The following RNF144A variants were observed in gnomAD, a reference collection of about 807,000 sequenced individuals.
RNF144A encodes the protein E3 ubiquitin-protein ligase RNF144A.
A neutral mutation model predicts 38.7 loss-of-function variants in RNF144A; 11 were observed. The observed-to-expected ratio is 0.28, with a 90% CI of 0.18 to 0.47. The LOEUF is 0.47. Ranked by LOEUF, RNF144A falls within the 20% of genes least tolerant of loss-of-function variation. The probability of loss-of-function intolerance (pLI) is 0.99; values close to 1 mark genes in which losing one functional copy is unlikely to be tolerated. For synonymous variants in RNF144A, 149 were observed against 143.9 expected, an observed-to-expected ratio of 1.04 and a Z score of -0.25; for missense variants, 316 against 377.2, an observed-to-expected ratio of 0.84 and a Z score of 1.34.
At chr2:7,024,079 G>A (rs447627) in intron 6 of RNF144A, among the ~76,000 whole-genome samples, 2 of 151,840 alleles carry the variant, frequency 1.3e-5, no homozygotes, top group African/African-American at 4.8e-5. Context: ...GCCTTTCGCT[G>A]TATTTTCTTT....
intron 1 of RNF144A, among the ~76,000 whole-genome samples, chr2:6,932,150 A>G (rs1430395677): frequency 6.6e-6 from 1 of 151,978 alleles, no homozygotes; most frequent in Non-Finnish European, 1.5e-5. Flanking sequence ...TGATCTCTTT[A>G]TTATTTTGTG....
intron 8 of RNF144A, among the ~76,000 whole-genome samples, chr2:7,038,626 G>C (rs1672833222): frequency 6.6e-6 from 1 of 152,056 alleles, no homozygotes; most frequent in African/African-American, 2.4e-5. Flanking sequence ...AGGAAGAGGT[G>C]GAAAAGAAGA....
intron 3 of RNF144A, among the ~76,000 whole-genome samples, chr2:7,002,644 C>T (rs975418618): frequency 6.6e-6 from 1 of 152,154 alleles, no homozygotes; most frequent in Non-Finnish European, 1.5e-5. Flanking sequence ...CCATGTTTTG[C>T]TAATGATAGA....
At chr2:6,991,477 A>C (rs957262508) in intron 2 of RNF144A, among the ~76,000 whole-genome samples, 1 of 152,178 alleles carries the variant, frequency 6.6e-6, no homozygotes, top group Admixed American at 6.5e-5. Context: ...GGTTTGTCTT[A>C]TATCTCTACA....
At position 6,978,307 on chromosome 2, in the gene RNF144A, A is replaced by T. The variant is rs114556021; in HGVS notation, c.-11-18609A>T. On this transcript the variant is annotated intron_variant, in intron 2 of 8. Coordinates refer to ENST00000320892, the MANE Select transcript of RNF144A (RefSeq NM_014746.6). ...ATTCTATATTAATGATGCTCAAGTG[A>T]CCAAGGACTTGTACTCTCTTAACAG... Among the ~76,000 whole-genome samples the T allele has an allele frequency of 9.3e-3, 1,414 of 152,244 alleles. 11 individuals are homozygous for T. Among genetic ancestry groups the T allele is most frequent in the Middle Eastern group, 0.017 (5 of 294 alleles).
chr2:7,074,247 C>A, the RNF144A span, among the ~76,000 whole-genome samples: 1 of 152,136 alleles, frequency 6.6e-6, no homozygotes, highest in South Asian at 2.1e-4. Context: ...ATAACACTTA[C>A]CACCAGGGCA....
At chr2:7,069,251 G>A (rs999416621), downstream of RNF144A, among the ~76,000 whole-genome samples, 8 of 152,316 alleles carry the variant, frequency 5.3e-5, no homozygotes, top group East Asian at 5.8e-4. Flanking sequence ...CAGGAGGACC[G>A]TGCCACAGCC....
At chr2:6,957,504 A>T (rs1293175368) in intron 2 of RNF144A, among the ~76,000 whole-genome samples, 1 of 152,226 alleles carries the variant, frequency 6.6e-6, no homozygotes, top group Non-Finnish European at 1.5e-5. Context: ...CCTGATGCCC[A>T]CCTTGGCGTT....
chr2:7,009,035 C>T (rs181059464), intron 3 of RNF144A, among the ~76,000 whole-genome samples: 28 of 152,324 alleles, frequency 1.8e-4, no homozygotes, highest in Non-Finnish European at 2.9e-4. Context: ...GTGTGAGGGC[C>T]GCATAGGGCC....
chr2:6,984,822 G>A (rs1668850674), intron 2 of RNF144A, among the ~76,000 whole-genome samples: 1 of 152,170 alleles, frequency 6.6e-6, no homozygotes, highest in South Asian at 2.1e-4. Context: ...GGTGCCTCTA[G>A]CACCCAAGGC....
chr2:6,951,829 C>G (rs939539803), intron 2 of RNF144A, among the ~76,000 whole-genome samples: 4 of 152,002 alleles, frequency 2.6e-5, no homozygotes, highest in Non-Finnish European at 5.9e-5. Context: ...TCTATAGATT[C>G]TTGTACATAT....
intron 6 of RNF144A, among the ~76,000 whole-genome samples, chr2:7,055,165 G>A (rs2103475759): frequency 6.6e-6 from 1 of 152,138 alleles, no homozygotes; most frequent in East Asian, 1.9e-4. Flanking sequence ...CCTGCTTTGT[G>A]CCTTCTCTTC....
chr2:7,027,337 T>C (rs1445459052), intron 7 of RNF144A, among the ~76,000 whole-genome samples: 1 of 152,250 alleles, frequency 6.6e-6, no homozygotes, highest in East Asian at 1.9e-4. Flanking sequence ...TTCTTTCTTT[T>C]ACGTATTTTT....
intron 2 of RNF144A, among the ~76,000 whole-genome samples, chr2:6,956,407 C>A (rs561101707): frequency 3.3e-5 from 5 of 152,276 alleles, no homozygotes; most frequent in Admixed American, 6.5e-5. Flanking sequence ...GCTTTCAGCT[C>A]CCTAATCTCA....
the RNF144A span, chr2:7,074,568 A>ATCTATGCACTTAGTACTCC: frequency 6.6e-6 from 1 of 152,196 alleles, no homozygotes; most frequent in Non-Finnish European, 1.5e-5. Flanking sequence ...CCCTTAAAAG[A>ATCTATGCACTTAGTACTCC]TCTATGCACT....
chr2:6,956,379 G>T (rs1429393733), intron 2 of RNF144A, among the ~76,000 whole-genome samples: 1 of 152,198 alleles, frequency 6.6e-6, no homozygotes, highest in Non-Finnish European at 1.5e-5. Flanking sequence ...AGAGTCAGAG[G>T]TGCCTCCAGA....
chr2:7,037,778 G>A (rs1195568414), intron 8 of RNF144A, among the ~76,000 whole-genome samples: 2 of 152,304 alleles, frequency 1.3e-5, no homozygotes, highest in East Asian at 1.9e-4. Flanking sequence ...CATATTTTAG[G>A]GCTGATAATG....
intron 3 of RNF144A, among the ~76,000 whole-genome samples, chr2:7,002,242 T>A (rs1235003165): frequency 6.6e-6 from 1 of 152,218 alleles, no homozygotes; most frequent in Non-Finnish European, 1.5e-5. Context: ...ATAGCGGATA[T>A]TTATTTAATT....
intron 3 of RNF144A, among the ~76,000 whole-genome samples, chr2:7,008,337 G>A (rs189002185): frequency 6.6e-6 from 1 of 152,238 alleles, no homozygotes; most frequent in Non-Finnish European, 1.5e-5. Context: ...CTGCAGGCCC[G>A]GCTGCAGGTT....
Sources: gnomAD v4.1 joint callset for allele counts (sites outside exome capture counted in the v4.1 genomes callset) on GRCh38, gnomAD v4.1.1 for gene constraint, MANE v1.5 for transcripts, NCBI Gene and HGNC (gene_info 2026-07-23, HGNC 2026-07-21) for gene names.